GNS: variants seen among roughly 807,000 people sequenced by gnomAD.
GNS encodes the protein N-acetylglucosamine-6-sulfatase.
GNS carries 40 observed loss-of-function variants against 69.7 expected under a neutral mutation model. That is an observed-to-expected ratio of 0.57 (90% CI 0.45 to 0.75). The LOEUF (loss-of-function observed/expected upper bound fraction) is 0.75, where lower values mean the gene tolerates loss of function less well. Ranked by LOEUF, GNS falls within the 30% of genes least tolerant of loss-of-function variation. The pLI is 0.00. For missense variants in GNS, 565 were observed against 685.5 expected, an observed-to-expected ratio of 0.82 and a Z score of 1.96; for synonymous variants, 243 against 251.6, an observed-to-expected ratio of 0.97 and a Z score of 0.32.
intron 1 of GNS, among the ~76,000 whole-genome samples, chr12:64,753,550 T>C (rs1017337564): frequency 2.6e-5 from 4 of 152,188 alleles, no homozygotes; most frequent in Admixed American, 6.5e-5. Flanking sequence ...TATGGGTCAG[T>C]TCACGATGAT....
In GNS at chr12:64,741,079, C is replaced by T. The variant is rs1565624948; in HGVS notation, c.793-391G>A. 1.8e-4 allele frequency among the ~76,000 whole-genome samples: 3 copies of T among 17,106 alleles called. 1 individual carries two copies. Among genetic ancestry groups the T allele is most frequent in the African/African-American group, 3.7e-3 (2 of 540 alleles). The allele number at this position is 17,106 out of a possible 152,430, so 11.2% of individuals were successfully genotyped here. A position where few individuals can be genotyped will look rare whatever the true frequency, so the allele number is the denominator to read the frequency against. ...TGGGCAAATAGGGCGTAGTGGCGGGCGCCTGTAGTCCCAGCTACTTGGGAG... is the reference window on the plus strand; with the variant it reads ...TGGGCAAATAGGGCGTAGTGGCGGGTGCCTGTAGTCCCAGCTACTTGGGAG... On this transcript the variant is annotated intron_variant, in intron 6 of 13. Coordinates refer to ENST00000258145, the MANE Select transcript of GNS (RefSeq NM_002076.4).
At position 64,738,353 on chromosome 12, in the gene GNS, C is replaced by T. The variant is rs190240167; in HGVS notation, c.994+1028G>A. ...AATAACCAGAGTCAGATGCATAATC[C>T]GGTGTTGAATCCTGGAGTCATGTGT... is the stretch of plus-strand genomic sequence containing the variant. On this transcript the variant is annotated intron_variant, in intron 8 of 13. Transcript: ENST00000258145. 4.4e-4 allele frequency among the ~76,000 whole-genome samples: 67 copies of T among 152,254 alleles called. No homozygotes were observed. The East Asian group carries it at 0.012, about 27-fold the overall frequency.
chr12:64,739,331 G>C (rs200442387), intron 8 of GNS, 50 bp downstream of exon 8: 1 of 939,434 alleles, frequency 1.1e-6, no homozygotes, highest in South Asian at 1.3e-5. Flanking sequence ...GGGTGAAAAA[G>C]GAAAGACATA....
chr12:64,755,613 C>T (rs538860839), intron 1 of GNS, among the ~76,000 whole-genome samples: 1 of 149,898 alleles, frequency 6.7e-6, no homozygotes, highest in African/African-American at 2.4e-5. Context: ...CCCTACCTTT[C>T]ATCATAGTTT....
At chr12:64,743,329 T>G (rs2136247683) in intron 5 of GNS, 21 bp from the exon 6 acceptor site, 1 of 1,578,822 alleles carries the variant, frequency 6.3e-7, no homozygotes, top group East Asian at 2.2e-5. Context: ...AAAAGATTTG[T>G]CATCTCCTAC....
intron 11 of GNS, among the ~76,000 whole-genome samples, chr12:64,722,306 C>T (rs907125767): frequency 3.3e-5 from 5 of 152,096 alleles, no homozygotes; most frequent in Non-Finnish European, 7.4e-5. Context: ...GTGTGAGCCA[C>T]AGTACCCAGC....
At position 64,738,012 on chromosome 12, in the gene GNS, C is replaced by T. The variant is rs1260136065; in HGVS notation, c.995-905G>A. Among the ~76,000 whole-genome samples the T allele has an allele frequency of 6.3e-5, 9 of 143,824 alleles. No homozygotes were observed. In the Admixed American group the frequency reaches 6.3e-4, roughly 10 times the overall value. The allele number at this position is 143,824 out of a possible 152,430, so 94.4% of individuals were successfully genotyped here. A position where few individuals can be genotyped will look rare whatever the true frequency, so the allele number is the denominator to read the frequency against. On this transcript the variant is annotated intron_variant, in intron 8 of 13. Coordinates refer to ENST00000258145, the MANE Select transcript of GNS (RefSeq NM_002076.4). The stretch of plus-strand genomic sequence containing the variant: ...GGTAGTATGTGGACTTTGCCTGCAT[C>T]TTTTTTTTTTTTTTTGAGATGGAGT...
At chr12:64,745,394 A>T (rs1181304421) in intron 4 of GNS, among the ~76,000 whole-genome samples, 4 of 151,354 alleles carry the variant, frequency 2.6e-5, no homozygotes, top group African/African-American at 9.7e-5. Flanking sequence ...TAATTTTAAA[A>T]TTTTTTGTTG....
intron 4 of GNS, 42 bp from the exon 5 acceptor site, chr12:64,744,949 C>A (rs776243799): frequency 2.3e-6 from 2 of 879,012 alleles, no homozygotes; most frequent in African/African-American, 3.3e-5. Flanking sequence ...GAGGTCAGTG[C>A]ACAAAGTGGA....
intron 1 of GNS, chr12:64,756,644 C>T: frequency 1.2e-6 from 1 of 824,122 alleles, no homozygotes; most frequent in Non-Finnish European, 2.0e-6. Flanking sequence ...ATGACTGAAG[C>T]ACAAGTATAA....
At chr12:64,750,235 A>G (rs1057386491) in intron 2 of GNS, among the ~76,000 whole-genome samples, 4 of 151,888 alleles carry the variant, frequency 2.6e-5, no homozygotes, top group African/African-American at 9.7e-5. Context: ...TTTGGTAGAG[A>G]TGGGGTTTCA....
intron 5 of GNS, among the ~76,000 whole-genome samples, chr12:64,744,222 T>C (rs1475551420): frequency 6.6e-6 from 1 of 152,212 alleles, no homozygotes; most frequent in Non-Finnish European, 1.5e-5. Flanking sequence ...TGTGTTTGTG[T>C]GTGTAAATAA....
chr12:64,756,665 A>G lies in GNS; in HGVS notation c.192+2420T>C, dbSNP rs1458243117. 3.9e-6 allele frequency: 4 copies of G among 1,023,222 alleles called. No homozygotes were observed. In the South Asian group the frequency reaches 5.4e-5, roughly 14 times the overall value. 63.4% of individuals were successfully genotyped at this position (1,023,222 alleles called of 1,614,324 possible). A position where few individuals can be genotyped will look rare whatever the true frequency, so the allele number is the denominator to read the frequency against. On this transcript the variant is annotated intron_variant, in intron 1 of 13. Transcript: ENST00000258145. ...GAAGCACAAGTATAAAAATCCTCAT[A>G]CTCTGCTCGGCTCCAAGTAAGTTCT...
Position 64,732,153 on chromosome 12 carries a change from A to ATTTTTTTTTTTTTTTTTT in GNS, c.1099-3097_1099-3096insAAAAAAAAAAAAAAAAAA, listed in dbSNP as rs1210247666. 5.7e-4 allele frequency among the ~76,000 whole-genome samples: 51 copies of ATTTTTTTTTTTTTTTTTT among 88,754 alleles called. 14 individuals carry two copies. Among genetic ancestry groups the ATTTTTTTTTTTTTTTTTT allele is most frequent in the South Asian group, 9.6e-4 (2 of 2,092 alleles). The allele number at this position is 88,754 out of a possible 152,430, so 58.2% of individuals were successfully genotyped here. On this transcript the variant is annotated intron_variant, in intron 9 of 13. Coordinates refer to ENST00000258145, the MANE Select transcript of GNS (RefSeq NM_002076.4). ...AGGCACCTGCCACCACACCTGGCTAATTTTTTTTTTTTGTTGTTTTTTTTT... is the reference window on the plus strand; with the variant it reads ...AGGCACCTGCCACCACACCTGGCTAATTTTTTTTTTTTTTTTTTTTTTTTTTTTTTGTTGTTTTTTTTT...
chr12:64,744,104 C>T (rs1387923364), intron 5 of GNS, among the ~76,000 whole-genome samples: 1 of 152,220 alleles, frequency 6.6e-6, no homozygotes, highest in Non-Finnish European at 1.5e-5. Flanking sequence ...CTGCACAGCT[C>T]ATTCTCACCT....
chr12:64,721,537 G>T, intron 12 of GNS, 58 bp downstream of exon 12: 1 of 851,972 alleles, frequency 1.2e-6, no homozygotes. Context: ...ACCAAGTCCA[G>T]CCAACAAAGC....
chr12:64,743,396 A>C (rs1869807654), intron 5 of GNS, 88 bp from the exon 6 acceptor site: 1 of 915,248 alleles, frequency 1.1e-6, no homozygotes, highest in African/African-American at 1.6e-5. Flanking sequence ...CAGACAGTAC[A>C]GGGTCTTACT....
intron 6 of GNS, among the ~76,000 whole-genome samples, chr12:64,742,737 C>T (rs1869786174): frequency 6.6e-6 from 1 of 152,178 alleles, no homozygotes; most frequent in East Asian, 1.9e-4. Flanking sequence ...TTTTTCCATT[C>T]AACTTCCCTT....
rs2136237264 is a variant in GNS, at chr12:64,721,616, A to G, written c.1398T>C (p.Tyr466=). 1 of 1,566,180 alleles carries G rather than the reference A, an allele frequency of 6.4e-7. No individual in the cohort carries two copies. The highest frequency in any genetic ancestry group is 8.8e-7 in the Non-Finnish European group (1 of 1,136,250). ...TTACCTCCTGGTCATCAAACTCGCA[A>G]TACTGCAAATTCCACAATGCTGACA... ...RTMSALWNLQ[Y]CEFDDQEVFV... is the part of the protein sequence containing the mutation. The change falls in exon 12 of 14, where the codon TAT becomes TAC. Residue 466 remains tyrosine (Y), a synonymous_variant. Coordinates refer to ENST00000258145, the MANE Select transcript of GNS (RefSeq NM_002076.4).
Sources: gnomAD v4.1 joint callset for allele counts (sites outside exome capture counted in the v4.1 genomes callset) on GRCh38, gnomAD v4.1.1 for gene constraint, MANE v1.5 for transcripts, NCBI Gene and HGNC (gene_info 2026-07-23, HGNC 2026-07-21) for gene names.